The following CPED1 variants were observed in gnomAD, a reference collection of about 807,000 sequenced individuals.
CPED1 encodes the protein cadherin-like and PC-esterase domain-containing protein 1.
A neutral mutation model predicts 128.2 loss-of-function variants in CPED1; 114 were observed. The observed-to-expected ratio is 0.89, with a 90% confidence interval of 0.76 to 1.04. CPED1 has a LOEUF of 1.04. CPED1 is among the 50% of genes least tolerant of loss of function. CPED1 has a pLI of 0.00. For synonymous variants in CPED1, 462 were observed against 426.7 expected, an observed-to-expected ratio of 1.08 and a Z score of -1.02; for missense variants, 1,211 against 1,207.1, an observed-to-expected ratio of 1.00 and a Z score of -0.05.
chr7:121,185,594 A>G (rs192544960), intron 16 of CPED1, among the ~76,000 whole-genome samples: 135 of 152,316 alleles, frequency 8.9e-4, no homozygotes, highest in African/African-American at 2.9e-3. Flanking sequence ...AGGTTTTAGT[A>G]TAAAGTGGAT....
chr7:121,295,375 G>A, intron 22 of CPED1, 65 bp from the exon 23 acceptor site: 1 of 1,522,622 alleles, frequency 6.6e-7, no homozygotes, highest in South Asian at 1.3e-5. Context: ...AAGTTTGAGA[G>A]TTAGTTATGC....
At chr7:121,242,001 G>A (rs1279965527) in intron 17 of CPED1, among the ~76,000 whole-genome samples, 1 of 152,056 alleles carries the variant, frequency 6.6e-6, no homozygotes, top group African/African-American at 2.4e-5. Flanking sequence ...CAATGTCTGG[G>A]GTACAATCTG....
At chr7:121,205,258 T>G (rs1472349763) in intron 16 of CPED1, among the ~76,000 whole-genome samples, 1 of 152,136 alleles carries the variant, frequency 6.6e-6, no homozygotes, top group Non-Finnish European at 1.5e-5. Context: ...CTGGAAAAAT[T>G]AAATCTTTTT....
intron 3 of CPED1, among the ~76,000 whole-genome samples, chr7:121,043,537 A>C (rs1198415977): frequency 6.6e-6 from 1 of 152,202 alleles, no homozygotes; most frequent in Non-Finnish European, 1.5e-5. Flanking sequence ...TTAAAAGCTA[A>C]TACATGGAAC....
chr7:121,244,240 A>G lies in CPED1; in HGVS notation c.2212A>G (p.Arg738Gly). Residue 738 changes from arginine to glycine, a missense_variant, in exon 18 of 23, where the codon AGG becomes GGG. Physicochemically the swap from Arg to Gly is moderately radical, Grantham distance 125. Coordinates refer to ENST00000310396, the MANE Select transcript of CPED1 (RefSeq NM_024913.5). ...GCCTTGCCTTAGTTGTTCGGACAAC[A>G]GGACGTGTGACTGGAGAGAAATAAC... ...IVPCLSCSDNRTCDWREITWQ... is the reference protein window; with the variant it reads ...IVPCLSCSDNGTCDWREITWQ... 1 of 1,614,174 alleles carries G rather than the reference A, an allele frequency of 6.2e-7. No individual in the cohort carries two copies.
chr7:121,119,757 C>T (rs1795342642), intron 7 of CPED1, among the ~76,000 whole-genome samples: 1 of 152,048 alleles, frequency 6.6e-6, no homozygotes, highest in East Asian at 1.9e-4. Flanking sequence ...TTTTACACTA[C>T]TGTGCAACCA....
At chr7:121,040,207 A>G (rs933669028) in intron 3 of CPED1, among the ~76,000 whole-genome samples, 9 of 152,112 alleles carry the variant, frequency 5.9e-5, no homozygotes, top group Non-Finnish European at 1.3e-4. Context: ...TTTTGTAGCC[A>G]TGTTGTATAG....
At chr7:121,121,485 A>C (rs914274524) in intron 7 of CPED1, among the ~76,000 whole-genome samples, 38 of 152,240 alleles carry the variant, frequency 2.5e-4, no homozygotes, top group African/African-American at 9.2e-4. Context: ...ACACTGAAGG[A>C]AGAAAATTTA....
chr7:120,990,258 C>A (rs1357978421), intron 2 of CPED1, among the ~76,000 whole-genome samples: 2 of 152,154 alleles, frequency 1.3e-5, no homozygotes, highest in African/African-American at 4.8e-5. Context: ...TTTCTCAAGG[C>A]AGTCAGTATG....
intron 4 of CPED1, chr7:121,052,072 G>A (rs1306096773): frequency 6.6e-6 from 1 of 152,166 alleles, no homozygotes. Flanking sequence ...AGTGTTTTTG[G>A]TATGCTGTTT....
At chr7:121,191,110 G>A (rs1044835143) in intron 16 of CPED1, among the ~76,000 whole-genome samples, 5 of 152,080 alleles carry the variant, frequency 3.3e-5, no homozygotes, top group Admixed American at 1.3e-4. Flanking sequence ...TGAGGAAAAT[G>A]TTCCAAAATA....
intron 7 of CPED1, among the ~76,000 whole-genome samples, chr7:121,113,672 G>GAA (rs1364608369): frequency 1.3e-5 from 2 of 151,868 alleles, no homozygotes; most frequent in Non-Finnish European, 2.9e-5. Flanking sequence ...AAGGAAGGAA[G>GAA]AGAAAGAGAC....
chr7:121,234,135 A>G (rs1263138985), intron 16 of CPED1, among the ~76,000 whole-genome samples: 1 of 151,294 alleles, frequency 6.6e-6, no homozygotes, highest in Non-Finnish European at 1.5e-5. Flanking sequence ...AATGCTGGGC[A>G]CATTACTCCA....
chr7:121,010,499 T>C (rs774463732), intron 2 of CPED1, among the ~76,000 whole-genome samples: 3 of 152,198 alleles, frequency 2.0e-5, no homozygotes, highest in Non-Finnish European at 4.4e-5. Context: ...TCCTCCTATT[T>C]TAGCTTCCCA....
At chr7:121,052,870 C>T (rs1006881773) in intron 4 of CPED1, among the ~76,000 whole-genome samples, 2 of 152,004 alleles carry the variant, frequency 1.3e-5, no homozygotes, top group African/African-American at 4.8e-5. Context: ...TACAGGCATG[C>T]ATCACCACAC....
At chr7:121,168,374 G>A (rs1796580722) in intron 16 of CPED1, among the ~76,000 whole-genome samples, 1 of 152,116 alleles carries the variant, frequency 6.6e-6, no homozygotes, top group Admixed American at 6.6e-5. Context: ...TCAAGACTTT[G>A]TATTCTCTTA....
At chr7:121,141,038 G>T (rs780167125) in intron 15 of CPED1, 25 bp downstream of exon 15, 11 of 1,580,618 alleles carry the variant, frequency 7.0e-6, no homozygotes, top group Non-Finnish European at 9.4e-6. Context: ...CTGGGGCTGT[G>T]TTGAGACACT....
At chr7:121,255,875 GA>G (rs1285379545) in intron 18 of CPED1, among the ~76,000 whole-genome samples, 1 of 151,808 alleles carries the variant, frequency 6.6e-6, no homozygotes, top group Non-Finnish European at 1.5e-5. Flanking sequence ...TCTCTATGAG[GA>G]TAACTTCAAA....
At chr7:121,048,414 T>C (rs1435534298) in intron 4 of CPED1, among the ~76,000 whole-genome samples, 1 of 152,240 alleles carries the variant, frequency 6.6e-6, no homozygotes, top group African/African-American at 2.4e-5. Context: ...ACCCACTTTG[T>C]CATCTCCTAA....
Sources: gnomAD v4.1 joint callset for allele counts (sites outside exome capture counted in the v4.1 genomes callset) on GRCh38, gnomAD v4.1.1 for gene constraint, MANE v1.5 for transcripts, NCBI Gene and HGNC (gene_info 2026-07-23, HGNC 2026-07-21) for gene names.